ERICH1: variants seen among roughly 807,000 people sequenced by gnomAD.
ERICH1 encodes glutamate rich 1.
ERICH1 carries 56 observed loss-of-function variants against 39.6 expected under a neutral mutation model. The ratio of observed to expected loss-of-function variants is 1.41; its 90% CI spans 1.14 to 1.77. The LOEUF (loss-of-function observed/expected upper bound fraction) is 1.77. Among genes scored for constraint, ERICH1 ranks in the 40% most tolerant of loss-of-function variants. ERICH1 has a pLI of 0.00. For missense variants in ERICH1, 826 were observed against 575.4 expected (o/e 1.44, Z -4.45); for synonymous variants, 313 against 223.6 (o/e 1.40, Z -3.57).
In ERICH1 at chr8:716,042, A is replaced by G. The variant is rs369328484; in HGVS notation, c.23-35T>C. 7 of 1,568,856 alleles carry G rather than the reference A, an allele frequency of 4.5e-6. No homozygotes were observed. In the African/African-American group the frequency reaches 9.6e-5, roughly 22 times the overall value. ...CAACCGATTAAAAGAAAAGGAGGAAAAGGAATGAATTATGCAGTTTATCTG... is the reference window on the plus strand; with the variant it reads ...CAACCGATTAAAAGAAAAGGAGGAAGAGGAATGAATTATGCAGTTTATCTG... On this transcript the variant is annotated intron_variant, in intron 1 of 5. Coordinates refer to ENST00000262109, the MANE Select transcript of ERICH1 (RefSeq NM_207332.3).
At chr8:626,590 G>A (rs966683833) in intron 3 of ERICH1, 4 of 157,784 alleles carry the variant, frequency 2.5e-5, no homozygotes, top group Non-Finnish European at 5.7e-5. Flanking sequence ...CCTCCGAGAA[G>A]TGATGCTCTG....
intron 3 of ERICH1, among the ~76,000 whole-genome samples, chr8:618,449 T>C (rs1797071432): frequency 6.6e-6 from 1 of 152,192 alleles, no homozygotes; most frequent in South Asian, 2.1e-4. Context: ...TGGTCTGTCC[T>C]CACTGCCCTG....
At chr8:715,823 A>G in intron 2 of ERICH1, 38 bp downstream of exon 2, 2 of 1,580,352 alleles carry the variant, frequency 1.3e-6, no homozygotes, top group East Asian at 4.5e-5. Context: ...GGTTAACTTC[A>G]GTTTCTGAGA....
intron 3 of ERICH1, among the ~76,000 whole-genome samples, chr8:650,666 A>C (rs1258610815): frequency 6.6e-6 from 1 of 152,174 alleles, no homozygotes; most frequent in African/African-American, 2.4e-5. Context: ...GAAGGAGGAC[A>C]TGAGGCGCAG....
intron 1 of ERICH1, among the ~76,000 whole-genome samples, chr8:722,356 C>T (rs1054233104): frequency 2.6e-5 from 4 of 151,710 alleles, no homozygotes; most frequent in African/African-American, 4.8e-5. Flanking sequence ...ATTCACATGC[C>T]GCAACACCCA....
At chr8:673,195 A>G (rs1803834568) in intron 4 of ERICH1, 94 bp downstream of exon 4, 6 of 1,375,040 alleles carry the variant, frequency 4.4e-6, no homozygotes, top group Non-Finnish European at 5.9e-6. Context: ...AATATTTTTA[A>G]AGTATGTTTT....
At chr8:725,511 G>C (rs1307992849) in intron 1 of ERICH1, 1 of 152,488 alleles carries the variant, frequency 6.6e-6, no homozygotes, top group Non-Finnish European at 1.5e-5. Context: ...CAGCCGTCAG[G>C]GATGGGCACA....
In ERICH1 at chr8:677,736, G is replaced by T. The variant is rs146709013; in HGVS notation, c.305-3689C>A. 2.2e-3 allele frequency among the ~76,000 whole-genome samples: 333 copies of T among 152,274 alleles called. 2 individuals are homozygous for T. Among genetic ancestry groups the T allele is most frequent in the Middle Eastern group, 0.014 (4 of 294 alleles). Reference sequence around the variant, plus strand: ...CTCTTAGGTGTCTATTAAAAAATGTGACTGCCTTCATGAATTTGGAGATAA... The same window carrying T: ...CTCTTAGGTGTCTATTAAAAAATGTTACTGCCTTCATGAATTTGGAGATAA... On this transcript the variant is annotated intron_variant, in intron 3 of 5. Coordinates refer to ENST00000262109, the MANE Select transcript of ERICH1 (RefSeq NM_207332.3).
intron 3 of ERICH1, among the ~76,000 whole-genome samples, chr8:683,176 A>G (rs185865042): frequency 3.3e-5 from 5 of 152,286 alleles, no homozygotes; most frequent in Admixed American, 3.3e-4. Flanking sequence ...AGACCCCTGG[A>G]GATTCAGGGA....
intron 2 of ERICH1, among the ~76,000 whole-genome samples, chr8:692,977 A>T (rs1216888168): frequency 1.3e-5 from 2 of 152,224 alleles, no homozygotes; most frequent in African/African-American, 4.8e-5. Flanking sequence ...TCATCACACG[A>T]GGAGTCCCTG....
At chr8:668,865 T>C in intron 4 of ERICH1, 73 bp from the exon 5 acceptor site, 1 of 1,408,190 alleles carries the variant, frequency 7.1e-7, no homozygotes, top group East Asian at 2.3e-5. Flanking sequence ...AGCTTTCCTC[T>C]CTTAAGGAAG....
intron 1 of ERICH1, among the ~76,000 whole-genome samples, chr8:730,024 G>A (rs937295243): frequency 6.6e-6 from 1 of 152,072 alleles, no homozygotes; most frequent in African/African-American, 2.4e-5. Flanking sequence ...CTGACCGTCA[G>A]GTCTGCTCCT....
intron 2 of ERICH1, among the ~76,000 whole-genome samples, chr8:693,555 C>T (rs751061964): frequency 9.9e-5 from 15 of 152,214 alleles, no homozygotes; most frequent in Non-Finnish European, 1.6e-4. Flanking sequence ...GAGGTCGTTA[C>T]CACCGTGGAC....
At chr8:726,372 A>G (rs1818660594) in intron 1 of ERICH1, among the ~76,000 whole-genome samples, 1 of 152,114 alleles carries the variant, frequency 6.6e-6, no homozygotes, top group Admixed American at 6.5e-5. Context: ...ACAGGCGCAC[A>G]TGCATGCATA....
chr8:657,840 G>A (rs913214062), intron 3 of ERICH1, among the ~76,000 whole-genome samples: 1 of 152,194 alleles, frequency 6.6e-6, no homozygotes. Context: ...TTGGATCTGC[G>A]ACAAATCAGA....
At chr8:662,009 C>A (rs149256841), downstream of ERICH1, among the ~76,000 whole-genome samples, 338 of 152,272 alleles carry the variant, frequency 2.2e-3, 2 homozygotes, top group Middle Eastern at 6.8e-3. Flanking sequence ...ACCACCCCTG[C>A]AATGGCAGGT....
intron 2 of ERICH1, among the ~76,000 whole-genome samples, chr8:695,368 G>C (rs149022288): frequency 3.3e-5 from 5 of 152,096 alleles, no homozygotes; most frequent in Non-Finnish European, 7.4e-5. Context: ...ACTGCCACAG[G>C]TACCTGCACA....
chr8:637,761 CG>C (rs1019816916), intron 3 of ERICH1, among the ~76,000 whole-genome samples: 1 of 152,212 alleles, frequency 6.6e-6, no homozygotes, highest in African/African-American at 2.4e-5. Flanking sequence ...ACAGAAGCCA[CG>C]GCTGCTCAGT....
At chr8:630,031 T>G (rs1307400678) in intron 3 of ERICH1, among the ~76,000 whole-genome samples, 2 of 119,078 alleles carry the variant, frequency 1.7e-5, no homozygotes, top group Non-Finnish European at 3.4e-5. Context: ...ACTCACACCC[T>G]CCCGTGACCA....
Sources: allele counts gnomAD v4.1 joint callset (sites outside exome capture counted in the v4.1 genomes callset), GRCh38; gene constraint gnomAD v4.1.1; transcripts MANE v1.5; gene names NCBI Gene and HGNC (gene_info 2026-07-23, HGNC 2026-07-21).